SLC26A9: variants seen among roughly 807,000 people sequenced by gnomAD.
SLC26A9 encodes anion transporter/exchanger protein 9.
SLC26A9 carries 46 observed loss-of-function variants against 87.1 expected under a neutral mutation model. The observed-to-expected ratio is 0.53, with a 90% confidence interval of 0.42 to 0.67. The LOEUF is 0.67. SLC26A9 is among the 30% of genes least tolerant of loss of function. The pLI is 0.00. For missense variants in SLC26A9, 927 were observed against 1,018.3 expected, an observed-to-expected ratio of 0.91 and a Z score of 1.22; for synonymous variants, 437 against 409.1, an observed-to-expected ratio of 1.07 and a Z score of -0.82.
At chr1:205,917,036 T>A (rs780340683) in intron 20 of SLC26A9, among the ~76,000 whole-genome samples, 1 of 149,022 alleles carries the variant, frequency 6.7e-6, no homozygotes, top group African/African-American at 2.5e-5. Flanking sequence ...GAGGTTGCAG[T>A]GAGCTGAGAT....
intron 20 of SLC26A9, among the ~76,000 whole-genome samples, chr1:205,915,768 AT>A (rs1459689667): frequency 6.6e-6 from 1 of 152,128 alleles, no homozygotes; most frequent in Non-Finnish European, 1.5e-5. Context: ...TTGATAAGCT[AT>A]TTTGGTCCTA....
At chr1:205,932,181 C>A (rs1237028325) in intron 4 of SLC26A9, 146 bp from the exon 5 acceptor site, 2 of 919,920 alleles carry the variant, frequency 2.2e-6, no homozygotes, top group Non-Finnish European at 3.3e-6. Context: ...ATAACAACCA[C>A]TCACTCTAAC....
At chr1:205,933,764 A>G (rs926919624) in intron 2 of SLC26A9, among the ~76,000 whole-genome samples, 10 of 152,162 alleles carry the variant, frequency 6.6e-5, no homozygotes, top group African/African-American at 2.4e-4. Context: ...GGTAACTCCA[A>G]TACCGGAGTT....
intron 20 of SLC26A9, among the ~76,000 whole-genome samples, chr1:205,916,151 C>T (rs1658582245): frequency 6.6e-6 from 1 of 152,212 alleles, no homozygotes; most frequent in Non-Finnish European, 1.5e-5. Flanking sequence ...AGCTGGAGTG[C>T]AGTGGCACGA....
chr1:205,924,021 C>A (rs542404476), intron 13 of SLC26A9, among the ~76,000 whole-genome samples: 1 of 152,288 alleles, frequency 6.6e-6, no homozygotes, highest in South Asian at 2.1e-4. Context: ...CTGTCTTCCA[C>A]CCTGGCGCTC....
chr1:205,919,546 C>T (rs1393555995), intron 18 of SLC26A9, among the ~76,000 whole-genome samples: 1 of 152,136 alleles, frequency 6.6e-6, no homozygotes, highest in Non-Finnish European at 1.5e-5. Flanking sequence ...GGGTCTGACC[C>T]AGTGCAGGGA....
At chr1:205,926,965 G>C (rs2102585565) in intron 11 of SLC26A9, among the ~76,000 whole-genome samples, 1 of 152,336 alleles carries the variant, frequency 6.6e-6, no homozygotes, top group Middle Eastern at 3.4e-3. Flanking sequence ...CAGAAGGCTG[G>C]AGTTTGGGAC....
rs145037624 is a variant in SLC26A9, at chr1:205,921,885, C to T, written c.1774-38G>A. On this transcript the variant is annotated intron_variant, in intron 16 of 20. Transcript: ENST00000367135. ...GGACAGTGGGCAGAGTCAGGGACCACCAGACTGAGCCAGACCTTGCTGTGA... is the reference window on the plus strand; with the variant it reads ...GGACAGTGGGCAGAGTCAGGGACCATCAGACTGAGCCAGACCTTGCTGTGA... 95 of 1,576,234 alleles carry T rather than the reference C, an allele frequency of 6.0e-5. No homozygotes were observed. In the Admixed American group the frequency reaches 7.0e-4, roughly 12 times the overall value.
At chr1:205,927,366 G>GAATAA in intron 10 of SLC26A9, 78 bp from the exon 11 acceptor site, 1 of 1,567,434 alleles carries the variant, frequency 6.4e-7, no homozygotes, top group Non-Finnish European at 8.8e-7. Context: ...CATGGCTTTG[G>GAATAA]TGGAGTGGAG....
chr1:205,928,282 G>T (rs974395269), intron 8 of SLC26A9: 3 of 570,116 alleles, frequency 5.3e-6, no homozygotes, highest in Non-Finnish European at 9.3e-6. Context: ...CAAGGTCCCC[G>T]GGCCAGTATG....
At chr1:205,929,506 G>A (rs900111664) in intron 6 of SLC26A9, 150 bp from the exon 7 acceptor site, 17 of 1,235,798 alleles carry the variant, frequency 1.4e-5, no homozygotes, top group South Asian at 3.2e-5. Flanking sequence ...ACCCTGTCCC[G>A]TCGCCCACCG....
At position 205,929,956 on chromosome 1, in the gene SLC26A9, G is replaced by A. The variant is rs1173330083; in HGVS notation, c.653C>T (p.Ser218Leu). The A allele has an allele frequency of 3.1e-6, 5 of 1,613,986 alleles. No individual in the cohort carries two copies. Among genetic ancestry groups the A allele is most frequent in the Non-Finnish European group, 4.2e-6 (5 of 1,179,848 alleles). The change falls in exon 6 of 21, where the codon TCG becomes TTG. Residue 218 changes from serine (S) to leucine (L), a missense_variant. Physicochemically the swap from Ser to Leu is moderately radical, Grantham distance 145 (BLOSUM62 -2). Coordinates refer to ENST00000367135, the MANE Select transcript of SLC26A9 (RefSeq NM_052934.4). ...MTAAGLQILI[S>L]VLKYIFGLTI... is the part of the protein sequence containing the mutation. The stretch of plus-strand genomic sequence containing the variant: ...CAGTCCGAAGATGTACTTGAGCACC[G>A]AAATCAGGATCTGCAGGCCGGCGGC...
At chr1:205,928,082 A>G (rs1392623743) in intron 8 of SLC26A9, 33 bp from the exon 9 acceptor site, 3 of 1,606,098 alleles carry the variant, frequency 1.9e-6, no homozygotes, top group Non-Finnish European at 2.5e-6. Flanking sequence ...GCAGAACCCA[A>G]GGGTGTGAGT....
intron 7 of SLC26A9, 84 bp downstream of exon 7, chr1:205,929,120 G>A (rs917150402): frequency 1.9e-6 from 3 of 1,554,574 alleles, no homozygotes; most frequent in Admixed American, 3.7e-5. Flanking sequence ...GCTGCCAGTT[G>A]AGGGGATGGG....
At position 205,934,332 on chromosome 1, in the gene SLC26A9, T is replaced by C. The variant is rs113588252; in HGVS notation, c.126-1248A>G. Among the ~76,000 whole-genome samples, 463 of 152,342 alleles carry C rather than the reference T, an allele frequency of 3.0e-3. 1 individual carries two copies. Among genetic ancestry groups the C allele is most frequent in the African/African-American group, 0.01 (430 of 41,578 alleles). On this transcript the variant is annotated intron_variant, in intron 2 of 20. Transcript: ENST00000367135. The stretch of plus-strand genomic sequence containing the variant: ...GGGGATAAATTGCTTAATGCAACTC[T>C]AAAGCCTTGCTTGAAGAGAGAACCA...
Position 205,917,125 on chromosome 1 carries a change from G to GA in SLC26A9, c.2328+157dup, listed in dbSNP as rs375852901. Among the ~76,000 whole-genome samples the GA allele has an allele frequency of 7.9e-3, 1,165 of 146,626 alleles. 46 individuals are homozygous for GA. The highest frequency in any genetic ancestry group is 0.07 in the Admixed American group (1,034 of 14,746). On this transcript the variant is annotated intron_variant, in intron 20 of 20. Coordinates refer to ENST00000367135, the MANE Select transcript of SLC26A9 (RefSeq NM_052934.4). ...AAAAAAAAAAAAAAGAAAAGGAAAAGAAAAAAAACAAAGATGACCACAAAT... is the reference window on the plus strand; with the variant it reads ...AAAAAAAAAAAAAAGAAAAGGAAAAGAAAAAAAAACAAAGATGACCACAAAT...
intron 5 of SLC26A9, among the ~76,000 whole-genome samples, chr1:205,930,874 C>CTG (rs144027341): frequency 6.6e-6 from 1 of 152,300 alleles, no homozygotes; most frequent in African/African-American, 2.4e-5. Context: ...TGACTCTGCT[C>CTG]TGTGTCCCTA....
chr1:205,940,931 C>A (rs1360308435), intron 1 of SLC26A9, among the ~76,000 whole-genome samples: 1 of 152,218 alleles, frequency 6.6e-6, no homozygotes, highest in Non-Finnish European at 1.5e-5. Context: ...TTGCTGTGTT[C>A]TGGGAAGAGG....
In SLC26A9 at chr1:205,915,032, G is replaced by A; in HGVS notation, c.*325C>T. 1.2e-6 allele frequency: 2 copies of A among 1,614,226 alleles called. No individual in the cohort carries two copies. The highest frequency in any genetic ancestry group is 1.7e-6 in the Non-Finnish European group (2 of 1,180,032). ...ACTCGTAAAAGCTGGAAGTCAAGGT[G>A]TCCTTCAGCTGCCAAGGACAGGGCA... is the stretch of plus-strand genomic sequence containing the variant. On this transcript the variant is annotated 3_prime_UTR_variant, in exon 21 of 21. Coordinates refer to ENST00000367135, the MANE Select transcript of SLC26A9 (RefSeq NM_052934.4).
Sources: gnomAD v4.1 joint callset for allele counts (sites outside exome capture counted in the v4.1 genomes callset) on GRCh38, gnomAD v4.1.1 for gene constraint, MANE v1.5 for transcripts, NCBI Gene and HGNC (gene_info 2026-07-23, HGNC 2026-07-21) for gene names.